The following ITIH2 variants were observed in gnomAD, a reference collection of about 807,000 sequenced individuals.
The protein encoded by ITIH2 is inter-alpha-trypsin inhibitor heavy chain H2.
ITIH2 carries 103 observed loss-of-function variants against 104.4 expected under a neutral mutation model. The observed-to-expected ratio is 0.99, with a 90% confidence interval of 0.84 to 1.16. The LOEUF (loss-of-function observed/expected upper bound fraction) is 1.16. Among genes scored for constraint, ITIH2 ranks in the 50% most tolerant of loss-of-function variants. The pLI is 0.00. For missense variants in ITIH2, 1,108 were observed against 1,162.4 expected (o/e 0.95, Z 0.68); for synonymous variants, 436 against 435.4 (o/e 1.00, Z -0.02).
At chr10:7,718,715 T>C (rs1225985146) in intron 6 of ITIH2, among the ~76,000 whole-genome samples, 2 of 152,144 alleles carry the variant, frequency 1.3e-5, no homozygotes, top group Non-Finnish European at 2.9e-5. Flanking sequence ...TGTCAACTGT[T>C]CCTTTCTTTG....
intron 6 of ITIH2, among the ~76,000 whole-genome samples, chr10:7,719,760 C>CAAAAAAAAAAAAAAA (rs71385664): frequency 9.6e-5 from 4 of 41,718 alleles, no homozygotes; most frequent in African/African-American, 2.1e-4. Flanking sequence ...GACCCTGTCT[C>CAAAAAAAAAAAAAAA]AAAAAAAAAA....
In ITIH2 at chr10:7,727,701, A is replaced by G; in HGVS notation, c.1154-2A>G. Reference sequence around the variant, plus strand: ...CAACGTTTCATTATGCTACTTCAACAGGCACAAACATCAACGAAGCACTCC... The same window carrying G: ...CAACGTTTCATTATGCTACTTCAACGGGCACAAACATCAACGAAGCACTCC... On this transcript the variant is annotated splice_acceptor_variant, in intron 10 of 20. Coordinates refer to ENST00000358415, the MANE Select transcript of ITIH2 (RefSeq NM_002216.3). LOFTEE classifies it high-confidence loss of function. The G allele has an allele frequency of 1.2e-6, 2 of 1,613,876 alleles. No homozygotes were observed. The highest frequency in any genetic ancestry group is 2.2e-5 in the South Asian group (2 of 91,022).
rs376931951 is a variant in ITIH2 at position 7,720,971 on chromosome 10, G to A, written c.738+8G>A. ...TCTAAAGGACAACAGAAGGTACCCT[G>A]AGCCCTGTGTGTTGCCAGGCATTCA... On this transcript the variant is annotated splice_region_variant and intron_variant, in intron 7 of 20. Transcript: ENST00000358415. 4 of 1,566,622 alleles carry A rather than the reference G, an allele frequency of 2.6e-6. No homozygotes were observed. The highest frequency in any genetic ancestry group is 1.1e-5 in the South Asian group (1 of 90,086).
At chr10:7,736,311 G>A (rs7902203) in intron 15 of ITIH2, among the ~76,000 whole-genome samples, 6,082 of 152,178 alleles carry the variant, frequency 0.04, 467 homozygotes, top group African/African-American at 0.14. Flanking sequence ...AGGTTGCAGT[G>A]AGCCAATCAC....
intron 8 of ITIH2, among the ~76,000 whole-genome samples, chr10:7,723,212 G>C (rs528439454): frequency 6.6e-6 from 1 of 151,620 alleles, no homozygotes; most frequent in Non-Finnish European, 1.5e-5. Flanking sequence ...AAGTGGAGTG[G>C]AGCGGTGTGG....
At position 7,732,331 on chromosome 10, in the gene ITIH2, C is replaced by A; in HGVS notation, c.1648-7C>A. On this transcript the variant is annotated splice_polypyrimidine_tract_variant and splice_region_variant and intron_variant, in intron 13 of 20. Coordinates refer to ENST00000358415, the MANE Select transcript of ITIH2 (RefSeq NM_002216.3). Reference sequence around the variant, plus strand: ...AGTGTCTCTCAACTGAACCTTCCATCATCTAGGCTAACACGCAGTTAGTCT... The same window carrying A: ...AGTGTCTCTCAACTGAACCTTCCATAATCTAGGCTAACACGCAGTTAGTCT... 1 of 1,610,988 alleles carries A rather than the reference C, an allele frequency of 6.2e-7. No individual in the cohort carries two copies. The highest frequency in any genetic ancestry group is 8.5e-7 in the Non-Finnish European group (1 of 1,177,448).
At position 7,714,223 on chromosome 10, in the gene ITIH2, G is replaced by A. The variant is rs900017376; in HGVS notation, c.467+938G>A. ...ATCTCGCTCTGTCGCCCAGGCTGGAGTGCAGTGGTGCGATCTCGGCTCACT... is the reference window on the plus strand; with the variant it reads ...ATCTCGCTCTGTCGCCCAGGCTGGAATGCAGTGGTGCGATCTCGGCTCACT... On this transcript the variant is annotated intron_variant, in intron 5 of 20. Coordinates refer to ENST00000358415, the MANE Select transcript of ITIH2 (RefSeq NM_002216.3). 2.8e-5 allele frequency among the ~76,000 whole-genome samples: 4 copies of A among 141,312 alleles called. No individual in the cohort carries two copies. In the South Asian group the frequency reaches 9.1e-4, roughly 32 times the overall value. The allele number at this position is 141,312 out of a possible 152,430, so 92.7% of individuals were successfully genotyped here. A position where few individuals can be genotyped will look rare whatever the true frequency, so the allele number is the denominator to read the frequency against.
In ITIH2 at chr10:7,734,933, C is replaced by G. The variant is rs778796175; in HGVS notation, c.1799C>G (p.Pro600Arg). The G allele has an allele frequency of 6.2e-7, 1 of 1,612,210 alleles. No individual in the cohort carries two copies. Among genetic ancestry groups the G allele is most frequent in the South Asian group, 1.1e-5 (1 of 91,044 alleles). The change falls in exon 15 of 21, where the codon CCT (proline) becomes CGT (arginine). Residue 600 changes from proline (P) to arginine (R), a missense_variant. Physicochemically the swap from Pro to Arg is moderately radical, Grantham distance 103. Transcript: ENST00000358415. ...NQLLAERSLAPTAAAKRRITR... is the reference protein window; with the variant it reads ...NQLLAERSLARTAAAKRRITR... The stretch of plus-strand genomic sequence containing the variant: ...CTTCTTGAATACAGAAGCCTGGCTC[C>G]TACAGCTGCCGCCAAGAGAAGAATT...
At chr10:7,705,352 A>G (rs1274214228) in intron 2 of ITIH2, among the ~76,000 whole-genome samples, 170 bp downstream of exon 2, 1 of 152,222 alleles carries the variant, frequency 6.6e-6, no homozygotes, top group African/African-American at 2.4e-5. Flanking sequence ...GGTGAAATAA[A>G]AAGAGAAACT....
intron 1 of ITIH2, among the ~76,000 whole-genome samples, chr10:7,703,748 C>T (rs374597720): frequency 6.6e-6 from 1 of 152,166 alleles, no homozygotes; most frequent in Non-Finnish European, 1.5e-5. Context: ...GGCATCAGAG[C>T]GTAGCATTTA....
chr10:7,740,300 C>T (rs769732421), intron 16 of ITIH2, among the ~76,000 whole-genome samples: 44 of 152,232 alleles, frequency 2.9e-4, no homozygotes, highest in Admixed American at 1.4e-3. Flanking sequence ...TCCTTCACCT[C>T]CATTGCTGGT....
intron 9 of ITIH2, among the ~76,000 whole-genome samples, chr10:7,726,242 T>C (rs1834950424): frequency 6.6e-6 from 1 of 152,138 alleles, no homozygotes; most frequent in Non-Finnish European, 1.5e-5. Context: ...TGGATGCACA[T>C]GAGGTTTGTA....
Position 7,749,266 on chromosome 10 carries a change from G to T in ITIH2, c.2773G>T (p.Gly925Ter). The T allele has an allele frequency of 6.2e-7, 1 of 1,614,146 alleles. No homozygotes were observed. The highest frequency in any genetic ancestry group is 1.1e-5 in the South Asian group (1 of 91,082). ...CTGGTTTGTGCACAACAGTGGAAAA[G>T]GATTCATTGACGGGCATTACAAGGA... The part of the protein sequence containing the change: ...TCWFVHNSGK[G>*]FIDGHYKDYF... Residue 925 changes from glycine (G) to a stop codon, truncating the protein, a stop_gained, in exon 21 of 21, where the codon GGA becomes TGA. Coordinates refer to ENST00000358415, the MANE Select transcript of ITIH2 (RefSeq NM_002216.3). LOFTEE classifies it high-confidence loss of function.
At chr10:7,725,455 G>T (rs539264447) in intron 9 of ITIH2, among the ~76,000 whole-genome samples, 1 of 152,240 alleles carries the variant, frequency 6.6e-6, no homozygotes, top group Non-Finnish European at 1.5e-5. Context: ...GAGAGGCAAG[G>T]TGGCTCATGG....
intron 4 of ITIH2, among the ~76,000 whole-genome samples, chr10:7,709,868 T>A (rs536855051): frequency 6.6e-6 from 1 of 152,340 alleles, no homozygotes; most frequent in East Asian, 1.9e-4. Context: ...CTTCTTTTTT[T>A]TTTGAGATGG....
intron 15 of ITIH2, among the ~76,000 whole-genome samples, chr10:7,737,351 G>A (rs1466590200): frequency 2.1e-5 from 3 of 144,586 alleles, no homozygotes; most frequent in African/African-American, 7.7e-5. Context: ...CTTGGGGACT[G>A]GTTCTACCGA....
chr10:7,734,010 T>A (rs1275127830), intron 14 of ITIH2, among the ~76,000 whole-genome samples: 1 of 151,892 alleles, frequency 6.6e-6, no homozygotes, highest in Admixed American at 6.6e-5. Context: ...AATATTGATT[T>A]TAAAACAATT....
chr10:7,735,024 C>G lies in ITIH2; in HGVS notation c.1890C>G (p.Ile630Met), dbSNP rs745829511. Reference sequence around the variant, plus strand: ...TGACTCCGCTGACCTCGCTGGTGATCGAGAACGAGGCTGGGGATGAGCGCA... The same window carrying G: ...TGACTCCGCTGACCTCGCTGGTGATGGAGAACGAGGCTGGGGATGAGCGCA... ...HIVTPLTSLV[I>M]ENEAGDERML... Residue 630 changes from isoleucine to methionine, a missense_variant, in exon 15 of 21, where the codon ATC (isoleucine) becomes ATG (methionine). Coordinates refer to ENST00000358415, the MANE Select transcript of ITIH2 (RefSeq NM_002216.3). The G allele has an allele frequency of 1.9e-6, 3 of 1,613,638 alleles. No individual in the cohort carries two copies. Among genetic ancestry groups the G allele is most frequent in the East Asian group, 2.2e-5 (1 of 44,876 alleles).
chr10:7,745,093 T>C (rs998564415), intron 19 of ITIH2, 130 bp downstream of exon 19: 5 of 744,792 alleles, frequency 6.7e-6, no homozygotes, highest in Non-Finnish European at 1.1e-5. Context: ...AACATAGCAG[T>C]GTGGGGTCGC....
Sources: allele counts gnomAD v4.1 joint callset (sites outside exome capture counted in the v4.1 genomes callset), GRCh38; gene constraint gnomAD v4.1.1; transcripts MANE v1.5; gene names NCBI Gene and HGNC (gene_info 2026-07-23, HGNC 2026-07-21).